CUX2: variants seen among roughly 807,000 people sequenced by gnomAD.
CUX2 encodes homeobox protein cut-like 2.
CUX2 carries 40 observed loss-of-function variants against 144.8 expected under a neutral mutation model. The ratio of observed to expected loss-of-function variants is 0.28; its 90% confidence interval spans 0.21 to 0.36. The LOEUF (loss-of-function observed/expected upper bound fraction) is 0.36. Ranked by LOEUF, CUX2 falls within the 10% of genes least tolerant of loss-of-function variation. The probability of loss-of-function intolerance (pLI) is 1.00; values close to 1 mark genes in which losing one functional copy is unlikely to be tolerated. For synonymous variants in CUX2, 827 were observed against 875.6 expected (o/e 0.94, Z 0.98); for missense variants, 1,615 against 1,994.0 (o/e 0.81, Z 3.62).
chr12:111,337,982 C>G (rs1412993244), intron 19 of CUX2, among the ~76,000 whole-genome samples: 1 of 151,998 alleles, frequency 6.6e-6, no homozygotes, highest in East Asian at 1.9e-4. Context: ...CTGCAGGGAG[C>G]CAAGATCATG....
chr12:111,123,827 C>T (rs757484290), intron 1 of CUX2, among the ~76,000 whole-genome samples: 5 of 152,198 alleles, frequency 3.3e-5, no homozygotes, highest in Admixed American at 1.3e-4. Flanking sequence ...TGAGCCACCG[C>T]GCCCAGACAA....
chr12:111,280,340 G>A (rs538615743), intron 4 of CUX2, among the ~76,000 whole-genome samples: 13 of 152,206 alleles, frequency 8.5e-5, no homozygotes, highest in Non-Finnish European at 8.8e-5. Context: ...ACATGACAAC[G>A]AAGGCTGAGA....
At chr12:111,224,660 C>G (rs1373465845) in intron 3 of CUX2, among the ~76,000 whole-genome samples, 1 of 151,996 alleles carries the variant, frequency 6.6e-6, no homozygotes, top group Non-Finnish European at 1.5e-5. Context: ...ACAGGGCCCC[C>G]TTAGAACCAC....
intron 20 of CUX2, chr12:111,339,570 CCGAGTCAGG>C (rs1328680287): frequency 6.6e-6 from 1 of 152,218 alleles, no homozygotes; most frequent in Non-Finnish European, 1.5e-5. Context: ...AGAAGCTAAG[CCGAGTCAGG>C]CCTGGTTAGT....
At chr12:111,103,355 TC>T (rs1351575291) in intron 1 of CUX2, among the ~76,000 whole-genome samples, 1 of 152,172 alleles carries the variant, frequency 6.6e-6, no homozygotes, top group Non-Finnish European at 1.5e-5. Context: ...TTGGAGTCAG[TC>T]ACTTAACTGA....
intron 20 of CUX2, among the ~76,000 whole-genome samples, chr12:111,341,486 A>G: frequency 6.6e-6 from 1 of 152,168 alleles, no homozygotes; most frequent in South Asian, 2.1e-4. Flanking sequence ...AATACTGTAG[A>G]GCACCCTGTT....
At chr12:111,145,260 T>C (rs1876594554) in intron 1 of CUX2, among the ~76,000 whole-genome samples, 1 of 152,168 alleles carries the variant, frequency 6.6e-6, no homozygotes, top group African/African-American at 2.4e-5. Context: ...CCTCTATCCA[T>C]GTGGGGTGAG....
At chr12:111,091,879 CTCT>C (rs978455139) in intron 1 of CUX2, among the ~76,000 whole-genome samples, 4 of 152,192 alleles carry the variant, frequency 2.6e-5, no homozygotes, top group African/African-American at 9.7e-5. Flanking sequence ...TTGCACCTGT[CTCT>C]TCTTATAAGG....
chr12:111,196,017 C>T (rs1023206400), intron 1 of CUX2, among the ~76,000 whole-genome samples: 2 of 152,190 alleles, frequency 1.3e-5, no homozygotes, highest in Non-Finnish European at 2.9e-5. Context: ...CAGTCACTGT[C>T]TGATCCCACT....
intron 1 of CUX2, among the ~76,000 whole-genome samples, chr12:111,167,664 C>G (rs1322696269): frequency 6.6e-6 from 1 of 150,652 alleles, no homozygotes; most frequent in Non-Finnish European, 1.5e-5. Flanking sequence ...ATTAGGTTGG[C>G]CCTGGGTTTG....
intron 1 of CUX2, among the ~76,000 whole-genome samples, chr12:111,121,494 A>G (rs1229684555): frequency 2.7e-5 from 4 of 145,802 alleles, no homozygotes; most frequent in Non-Finnish European, 5.9e-5. Flanking sequence ...CTCATGCCTC[A>G]GCCTCCCGAG....
chr12:111,159,986 C>T (rs1232790676), intron 1 of CUX2, among the ~76,000 whole-genome samples: 2 of 152,192 alleles, frequency 1.3e-5, no homozygotes, highest in African/African-American at 2.4e-5. Flanking sequence ...GATTGTACCA[C>T]TGCACTCCAG....
chr12:111,315,557 A>G (rs1887145947), intron 16 of CUX2, among the ~76,000 whole-genome samples: 1 of 152,126 alleles, frequency 6.6e-6, no homozygotes, highest in Non-Finnish European at 1.5e-5. Context: ...CATCTCTACT[A>G]AAAATACAAA....
At chr12:111,308,170 C>A in intron 12 of CUX2, 115 bp from the exon 13 acceptor site, 2 of 1,139,728 alleles carry the variant, frequency 1.8e-6, no homozygotes, top group South Asian at 1.3e-5. Context: ...TAATGGGGTT[C>A]TGGGGAATGG....
intron 1 of CUX2, among the ~76,000 whole-genome samples, chr12:111,180,083 A>G (rs1395330517): frequency 1.3e-5 from 2 of 150,950 alleles, no homozygotes; most frequent in South Asian, 2.1e-4. Context: ...TCCAGCCCCC[A>G]TGGGGCCCCC....
intron 1 of CUX2, among the ~76,000 whole-genome samples, chr12:111,084,802 C>G (rs1566208163): frequency 6.6e-6 from 1 of 151,674 alleles, no homozygotes; most frequent in Non-Finnish European, 1.5e-5. Flanking sequence ...GGCGGGCGGG[C>G]TGGTAGACAG....
intron 16 of CUX2, among the ~76,000 whole-genome samples, chr12:111,315,494 G>A (rs1347423953): frequency 6.6e-6 from 1 of 152,150 alleles, no homozygotes; most frequent in Non-Finnish European, 1.5e-5. Context: ...CAAGACAGAT[G>A]GATCACTTGA....
intron 1 of CUX2, among the ~76,000 whole-genome samples, chr12:111,089,419 GC>G (rs1872430688): frequency 6.6e-6 from 1 of 152,210 alleles, no homozygotes; most frequent in South Asian, 2.1e-4. Flanking sequence ...AGCATCTGAA[GC>G]CTGTAATTTG....
rs957139696 is a variant in CUX2, at chr12:111,293,238, G to A, written c.437-208G>A. Among the ~76,000 whole-genome samples, 1 of 152,254 alleles carries A rather than the reference G, an allele frequency of 6.6e-6. No individual in the cohort carries two copies. The highest frequency in any genetic ancestry group is 1.5e-5 in the Non-Finnish European group (1 of 68,046). ...CGGAGGCATGAGCAGGCAAAAGAAG[G>A]TCTGCGTGTGCTGACGCTGGTGCCA... On this transcript the variant is annotated intron_variant, in intron 5 of 21. Coordinates refer to ENST00000261726, the MANE Select transcript of CUX2 (RefSeq NM_015267.4). The surrounding 1 kb of genome is among the most constrained non-coding windows in gnomAD (Gnocchi z 4.5).
Sources: allele counts gnomAD v4.1 joint callset (sites outside exome capture counted in the v4.1 genomes callset), GRCh38; gene constraint gnomAD v4.1.1; non-coding constraint Gnocchi (gnomAD v3.1); transcripts MANE v1.5; gene names NCBI Gene and HGNC (gene_info 2026-07-23, HGNC 2026-07-21).